Variants in DPYSL2 observed in about 807,000 individuals in gnomAD.
DPYSL2 encodes dihydropyrimidinase-related protein 2.
DPYSL2 carries 13 observed loss-of-function variants against 69.9 expected under a neutral mutation model. That is an observed-to-expected ratio of 0.19 (90% confidence interval 0.12 to 0.30). The LOEUF (loss-of-function observed/expected upper bound fraction) is 0.30, where lower values mean the gene tolerates loss of function less well. DPYSL2 is among the 10% of genes least tolerant of loss of function. The pLI, the probability that DPYSL2 is intolerant of heterozygous loss-of-function variation, is 1.00. For missense variants in DPYSL2, 587 were observed against 918.9 expected (o/e 0.64, Z 4.67); for synonymous variants, 326 against 359.1 (o/e 0.91, Z 1.04).
At chr8:26,590,498 C>T (rs1219501854) in intron 3 of DPYSL2, among the ~76,000 whole-genome samples, 5 of 86,318 alleles carry the variant, frequency 5.8e-5, no homozygotes, top group African/African-American at 1.9e-4. Flanking sequence ...CGGCCTTGAA[C>T]GGCTGGACTG....
At chr8:26,633,778 A>C (rs747381065) in intron 7 of DPYSL2, among the ~76,000 whole-genome samples, 2 of 152,150 alleles carry the variant, frequency 1.3e-5, no homozygotes, top group Non-Finnish European at 2.9e-5. Context: ...ACTGACTGGA[A>C]CATCCGATTT....
At chr8:26,554,869 T>A (rs1394786278) in intron 1 of DPYSL2, among the ~76,000 whole-genome samples, 4 of 152,082 alleles carry the variant, frequency 2.6e-5, no homozygotes, top group African/African-American at 9.7e-5. Context: ...GTCAAAATCC[T>A]CAAAAATATT....
At chr8:26,590,209 C>G (rs967582900) in intron 3 of DPYSL2, among the ~76,000 whole-genome samples, 4 of 152,208 alleles carry the variant, frequency 2.6e-5, no homozygotes, top group Non-Finnish European at 5.9e-5. Flanking sequence ...GTTTCAAAGT[C>G]CAGGACCAAA....
At chr8:26,524,088 C>A (rs1036141874) in intron 1 of DPYSL2, among the ~76,000 whole-genome samples, 1 of 152,226 alleles carries the variant, frequency 6.6e-6, no homozygotes, top group Non-Finnish European at 1.5e-5. Context: ...TTAAAGGAAA[C>A]TACTATATAG....
intron 3 of DPYSL2, among the ~76,000 whole-genome samples, chr8:26,604,315 G>T (rs901812355): frequency 9.9e-5 from 15 of 152,226 alleles, no homozygotes; most frequent in Non-Finnish European, 1.6e-4. Flanking sequence ...GGCCACATTT[G>T]CATAGTGAGG....
intron 3 of DPYSL2, among the ~76,000 whole-genome samples, chr8:26,601,795 A>AGTCAGCTT (rs1456832924): frequency 6.6e-6 from 1 of 152,240 alleles, no homozygotes; most frequent in Non-Finnish European, 1.5e-5. Flanking sequence ...CTTACGTTTA[A>AGTCAGCTT]AAGACTGGGC....
At chr8:26,600,315 A>AT (rs1012618904) in intron 3 of DPYSL2, among the ~76,000 whole-genome samples, 19 of 148,758 alleles carry the variant, frequency 1.3e-4, no homozygotes, top group Non-Finnish European at 1.6e-4. Flanking sequence ...TCTATGTTTA[A>AT]TTTTTTTTTT....
Position 26,582,092 on chromosome 8 carries a change from A to G in DPYSL2, c.443+35A>G. On this transcript the variant is annotated intron_variant, in intron 2 of 13. Transcript: ENST00000521913. The surrounding 1 kb of genome is among the most constrained non-coding windows in gnomAD (Gnocchi z 4.1). ...ACTCATGATATACAGATGTATTTGA[A>G]CACTTTCCAGACTTCCCAAGTATTA... 2 of 1,557,766 alleles carry G rather than the reference A, an allele frequency of 1.3e-6. No homozygotes were observed. Among genetic ancestry groups the G allele is most frequent in the Non-Finnish European group, 1.8e-6 (2 of 1,131,034 alleles).
chr8:26,545,089 A>G (rs1021204114), intron 1 of DPYSL2, among the ~76,000 whole-genome samples: 1 of 152,212 alleles, frequency 6.6e-6, no homozygotes, highest in African/African-American at 2.4e-5. Context: ...TCACTTAACA[A>G]TAAGTGATAG....
intron 1 of DPYSL2, among the ~76,000 whole-genome samples, chr8:26,553,940 C>A (rs1171026698): frequency 6.7e-6 from 1 of 149,238 alleles, no homozygotes; most frequent in Non-Finnish European, 1.5e-5. Context: ...ACTCTGCCAC[C>A]CATGCTGGAG....
At chr8:26,636,399 G>A (rs114879868) in intron 8 of DPYSL2, among the ~76,000 whole-genome samples, 2,906 of 152,318 alleles carry the variant, frequency 0.019, 69 homozygotes, top group African/African-American at 0.064. Context: ...GGGAAAGAAT[G>A]AGACGGCTTA....
At chr8:26,540,152 A>G (rs1453386867) in intron 1 of DPYSL2, among the ~76,000 whole-genome samples, 2 of 152,202 alleles carry the variant, frequency 1.3e-5, no homozygotes, top group African/African-American at 4.8e-5. Flanking sequence ...ACATAATGGG[A>G]AGTTCAACAA....
intron 3 of DPYSL2, among the ~76,000 whole-genome samples, chr8:26,599,919 C>A (rs1466687851): frequency 3.3e-5 from 5 of 152,090 alleles, no homozygotes; most frequent in African/African-American, 9.7e-5. Context: ...CTCCCCATTC[C>A]CCACCTCTCC....
chr8:26,599,818 A>G (rs1182732129), intron 3 of DPYSL2, among the ~76,000 whole-genome samples: 1 of 152,192 alleles, frequency 6.6e-6, no homozygotes, highest in Non-Finnish European at 1.5e-5. Flanking sequence ...AGTGCTTTTT[A>G]GTATATTCAC....
At chr8:26,638,472 A>G (rs1200226141) in intron 8 of DPYSL2, among the ~76,000 whole-genome samples, 1 of 152,208 alleles carries the variant, frequency 6.6e-6, no homozygotes, top group Non-Finnish European at 1.5e-5. Context: ...AAGTGAGGAT[A>G]TGAGGTGAAA....
At chr8:26,573,135 C>G (rs781167629) in intron 1 of DPYSL2, among the ~76,000 whole-genome samples, 2 of 152,172 alleles carry the variant, frequency 1.3e-5, no homozygotes, top group African/African-American at 4.8e-5. Flanking sequence ...GCTACAGCCC[C>G]GCAGAGAATA....
chr8:26,525,324 G>T (rs958513799), intron 1 of DPYSL2, among the ~76,000 whole-genome samples: 1 of 152,090 alleles, frequency 6.6e-6, no homozygotes, highest in Non-Finnish European at 1.5e-5. Context: ...AGGCTCAAGC[G>T]ATCCTCCCAT....
rs148151126 is a variant in DPYSL2, at chr8:26,578,146, A to G, written c.355-3823A>G. On this transcript the variant is annotated intron_variant, in intron 1 of 13. Coordinates refer to ENST00000521913, the MANE Select transcript of DPYSL2 (RefSeq NM_001197293.3). ...CAGCGAAGCGGTTGCACCCTTTTCA[A>G]TCTTGCAAAGGAAAAAAACAAAACA... 2.7e-5 allele frequency: 43 copies of G among 1,590,044 alleles called. No homozygotes were observed. In the African/African-American group the frequency reaches 4.2e-4, roughly 16 times the overall value.
chr8:26,566,765 T>C (rs1409659086), intron 1 of DPYSL2, among the ~76,000 whole-genome samples: 1 of 152,198 alleles, frequency 6.6e-6, no homozygotes, highest in Non-Finnish European at 1.5e-5. Context: ...TGAGTCTATG[T>C]TAGACTCAAG....
Sources: gnomAD v4.1 joint callset for allele counts (sites outside exome capture counted in the v4.1 genomes callset) on GRCh38, gnomAD v4.1.1 for gene constraint, Gnocchi (gnomAD v3.1) non-coding constraint, MANE v1.5 for transcripts, NCBI Gene and HGNC (gene_info 2026-07-23, HGNC 2026-07-21) for gene names.